TNIP1: variants seen among roughly 807,000 people sequenced by gnomAD.
The protein encoded by TNIP1 is TNFAIP3-interacting protein 1.
Under a neutral mutation model 86.6 loss-of-function variants are expected in TNIP1, and 22 were observed. The observed-to-expected ratio is 0.25, with a 90% CI of 0.18 to 0.36. The LOEUF (loss-of-function observed/expected upper bound fraction) is 0.36, where lower values mean the gene tolerates loss of function less well. Ranked by LOEUF, TNIP1 falls within the 10% of genes least tolerant of loss-of-function variation. The probability of loss-of-function intolerance (pLI) is 1.00; values close to 1 mark genes in which losing one functional copy is unlikely to be tolerated. For missense variants in TNIP1, 709 were observed against 820.6 expected, an observed-to-expected ratio of 0.86 and a Z score of 1.66; for synonymous variants, 294 against 313.0, an observed-to-expected ratio of 0.94 and a Z score of 0.64.
At chr5:151,069,102 G>T (rs2113760330) in intron 1 of TNIP1, among the ~76,000 whole-genome samples, 1 of 152,356 alleles carries the variant, frequency 6.6e-6, no homozygotes, top group Non-Finnish European at 1.5e-5. Context: ...AGATGGAAGT[G>T]ATGCTGCTGA....
Position 151,030,095 on chromosome 5 carries a change from C to T in TNIP1, c.*618G>A, listed in dbSNP as rs753327551. On this transcript the variant is annotated 3_prime_UTR_variant, in exon 18 of 18. Transcript: ENST00000521591. ...TCAGGGCCTGGCAGCTTCAGGCTGG[C>T]GCCCCTCGGCGGACGTGGCTGGCAT... is the stretch of plus-strand genomic sequence containing the variant. 8.8e-6 allele frequency: 4 copies of T among 456,872 alleles called. No individual in the cohort carries two copies. Among genetic ancestry groups the T allele is most frequent in the Middle Eastern group, 3.3e-4 (1 of 3,074 alleles). 28.3% of individuals were successfully genotyped at this position (456,872 alleles called of 1,614,324 possible). A position where few individuals can be genotyped will look rare whatever the true frequency, so the allele number is the denominator to read the frequency against.
At chr5:151,031,518 G>A (rs1187961247) in intron 17 of TNIP1, among the ~76,000 whole-genome samples, 3 of 152,204 alleles carry the variant, frequency 2.0e-5, no homozygotes, top group Admixed American at 6.5e-5. Flanking sequence ...GCCTTTCATG[G>A]TGGACACCAT....
At chr5:151,064,834 C>T in intron 2 of TNIP1, 126 bp downstream of exon 2, 1 of 1,387,658 alleles carries the variant, frequency 7.2e-7, no homozygotes, top group Non-Finnish European at 1.0e-6. Flanking sequence ...AGCGCTGGGC[C>T]AGGAGGGACA....
At chr5:151,067,737 AT>A (rs1297418074) in intron 1 of TNIP1, among the ~76,000 whole-genome samples, 2 of 152,184 alleles carry the variant, frequency 1.3e-5, no homozygotes, top group Non-Finnish European at 2.9e-5. Flanking sequence ...TAAACCTTGA[AT>A]TCAGAGAAGT....
At chr5:151,068,470 G>A (rs1762486712) in intron 1 of TNIP1, among the ~76,000 whole-genome samples, 1 of 152,188 alleles carries the variant, frequency 6.6e-6, no homozygotes, top group South Asian at 2.1e-4. Context: ...ATGAGGGGCT[G>A]CATTCGAACA....
At chr5:151,039,015 G>A (rs75304146) in intron 12 of TNIP1, 82 bp downstream of exon 12, 3 of 1,536,822 alleles carry the variant, frequency 2.0e-6, no homozygotes, top group Non-Finnish European at 2.6e-6. Context: ...TAAGCTGAAT[G>A]GTTGGGGGTG....
rs775014523 is a variant in TNIP1, at chr5:151,033,665, A to AG, written c.1721dup (p.Pro575SerfsTer57). 6.7e-6 allele frequency: 5 copies of AG among 748,570 alleles called. No homozygotes were observed. Among genetic ancestry groups the AG allele is most frequent in the South Asian group, 4.2e-5 (1 of 23,678 alleles). 46.4% of individuals were successfully genotyped at this position (748,570 alleles called of 1,614,324 possible). A position where few individuals can be genotyped will look rare whatever the true frequency, so the allele number is the denominator to read the frequency against. On this transcript the variant is annotated frameshift_variant, in exon 16 of 18. Transcript: ENST00000521591. LOFTEE classifies it high-confidence loss of function. ...GCGGGTGCTCCATGGCCATGGGGGGAGGGGGGTAGCGGATCTGGGACCAGT... is the reference window on the plus strand; with the variant it reads ...GCGGGTGCTCCATGGCCATGGGGGGAGGGGGGGTAGCGGATCTGGGACCAGT...
At chr5:151,052,017 A>G (rs980813822) in intron 7 of TNIP1, 148 bp downstream of exon 7, 2 of 641,420 alleles carry the variant, frequency 3.1e-6, no homozygotes, top group Non-Finnish European at 5.3e-6. Context: ...AGAGCCAAGG[A>G]GAAGGATCAA....
chr5:151,054,185 C>T lies in TNIP1; in HGVS notation c.628-1926G>A, dbSNP rs182853007. 3.3e-3 allele frequency among the ~76,000 whole-genome samples: 501 copies of T among 152,330 alleles called. 3 individuals carry two copies. Among genetic ancestry groups the T allele is most frequent in the African/African-American group, 0.011 (469 of 41,570 alleles). On this transcript the variant is annotated intron_variant, in intron 6 of 17. Transcript: ENST00000521591. The stretch of plus-strand genomic sequence containing the variant: ...GGGCACCGGAAAGTTGGGCCCCTGT[C>T]TCCCTGGGACTCTAAGGAACTGTGT...
Position 151,049,836 on chromosome 5 carries a change from A to G in TNIP1, c.834T>C (p.Ala278=), listed in dbSNP as rs200474545. ...KMEGTGKKAV[A]GQQQASVTAG... Reference sequence around the variant, plus strand: ...TCTGACCACATACCTGCTGCTGTCCAGCCACTGCCTTCTTGCCTGTCCCTT... The same window carrying G: ...TCTGACCACATACCTGCTGCTGTCCGGCCACTGCCTTCTTGCCTGTCCCTT... The change falls in exon 8 of 18, where the codon GCT becomes GCC. Residue 278 remains alanine (A), a synonymous_variant. Coordinates refer to ENST00000521591, the MANE Select transcript of TNIP1 (RefSeq NM_006058.5). 1 of 1,614,214 alleles carries G rather than the reference A, an allele frequency of 6.2e-7. No individual in the cohort carries two copies. Among genetic ancestry groups the G allele is most frequent in the Non-Finnish European group, 8.5e-7 (1 of 1,180,028 alleles).
intron 12 of TNIP1, 102 bp downstream of exon 12, chr5:151,038,995 T>G (rs1581745626): frequency 6.8e-7 from 1 of 1,461,780 alleles, no homozygotes; most frequent in Non-Finnish European, 9.1e-7. Flanking sequence ...TGACTGGGGG[T>G]TACCCTTCCT....
rs5872189 is a variant in TNIP1, at chr5:151,079,621, C to CA, written c.-37+1258dup. Among the ~76,000 whole-genome samples, 184 of 143,090 alleles carry CA rather than the reference C, an allele frequency of 1.3e-3. 1 individual carries two copies. The highest frequency in any genetic ancestry group is 7.2e-3 in the East Asian group (35 of 4,886). 93.9% of individuals were successfully genotyped at this position (143,090 alleles called of 152,430 possible). A position where few individuals can be genotyped will look rare whatever the true frequency, so the allele number is the denominator to read the frequency against. On this transcript the variant is annotated intron_variant, in intron 1 of 17. Transcript: ENST00000521591. Reference sequence around the variant, plus strand: ...TGGGTAACAGAGTGAGACTCTGTCTCAAAAAAAAAAAAAAGATTAAATGAG... The same window carrying CA: ...TGGGTAACAGAGTGAGACTCTGTCTCAAAAAAAAAAAAAAAGATTAAATGAG...
Position 151,030,685 on chromosome 5 carries a change from A to C in TNIP1, c.*28T>G, listed in dbSNP as rs1330625450. Reference sequence around the variant, plus strand: ...GAGATCAGCTGGCTCTGCAAGATGAAGGTGGAGCCAAATGACACAATCTGG... The same window carrying C: ...GAGATCAGCTGGCTCTGCAAGATGACGGTGGAGCCAAATGACACAATCTGG... On this transcript the variant is annotated 3_prime_UTR_variant, in exon 18 of 18. Coordinates refer to ENST00000521591, the MANE Select transcript of TNIP1 (RefSeq NM_006058.5). 2 of 1,614,118 alleles carry C rather than the reference A, an allele frequency of 1.2e-6. No homozygotes were observed. The highest frequency in any genetic ancestry group is 8.5e-7 in the Non-Finnish European group (1 of 1,179,966).
intron 11 of TNIP1, among the ~76,000 whole-genome samples, chr5:151,040,813 A>C (rs944026268): frequency 1.3e-5 from 2 of 152,212 alleles, no homozygotes; most frequent in Non-Finnish European, 2.9e-5. Context: ...GTCCATTTTT[A>C]AGCTAGGCAA....
At chr5:151,062,509 A>G (rs1761709842) in intron 3 of TNIP1, among the ~76,000 whole-genome samples, 1 of 152,168 alleles carries the variant, frequency 6.6e-6, no homozygotes, top group South Asian at 2.1e-4. Context: ...AATGATTTAC[A>G]ATTTGAAAAG....
chr5:151,043,350 A>C (rs1232036520), intron 9 of TNIP1, among the ~76,000 whole-genome samples: 1 of 152,208 alleles, frequency 6.6e-6, no homozygotes, highest in Non-Finnish European at 1.5e-5. Context: ...CAAGTGTGCA[A>C]ATATATATAC....
intron 3 of TNIP1, 35 bp from the exon 4 acceptor site, chr5:151,062,247 G>A: frequency 6.2e-7 from 1 of 1,600,320 alleles, no homozygotes; most frequent in South Asian, 1.1e-5. Context: ...GAACTGACTG[G>A]GAAGGGGAGA....
chr5:151,049,434 A>G (rs1183516348), intron 8 of TNIP1, among the ~76,000 whole-genome samples: 5 of 152,170 alleles, frequency 3.3e-5, no homozygotes, highest in Non-Finnish European at 7.3e-5. Context: ...TGCTCAACCA[A>G]CCTAATTCTG....
At chr5:151,064,132 C>A (rs1761945075) in intron 2 of TNIP1, among the ~76,000 whole-genome samples, 1 of 152,244 alleles carries the variant, frequency 6.6e-6, no homozygotes, top group Non-Finnish European at 1.5e-5. Flanking sequence ...CAAAGGGCTG[C>A]CTGCAGGGCG....
Sources: gnomAD v4.1 joint callset for allele counts (sites outside exome capture counted in the v4.1 genomes callset) on GRCh38, gnomAD v4.1.1 for gene constraint, MANE v1.5 for transcripts, NCBI Gene and HGNC (gene_info 2026-07-23, HGNC 2026-07-21) for gene names.